DPP10: variants seen among roughly 807,000 people sequenced by gnomAD.
The protein encoded by DPP10 is dipeptidyl peptidase like 10.
Under a neutral mutation model 120.9 loss-of-function variants are expected in DPP10, and 33 were observed. The ratio of observed to expected loss-of-function variants is 0.27; its 90% CI spans 0.21 to 0.37. The LOEUF is 0.37. DPP10 is among the 10% of genes least tolerant of loss of function. DPP10 has a pLI of 1.00. For synonymous variants in DPP10, 337 were observed against 326.1 expected (o/e 1.03, Z -0.36); for missense variants, 816 against 942.8 (o/e 0.87, Z 1.76).
chr2:114,912,051 T>A (rs896160810), intron 1 of DPP10, among the ~76,000 whole-genome samples: 1 of 152,060 alleles, frequency 6.6e-6, no homozygotes, highest in Admixed American at 6.6e-5. Context: ...AAATTGCAAT[T>A]GATTGAATAA....
At position 114,968,040 on chromosome 2, in the gene DPP10, T is replaced by A. The variant is rs76817196; in HGVS notation, c.61-341199T>A. 3.0e-4 allele frequency among the ~76,000 whole-genome samples: 46 copies of A among 152,328 alleles called. No individual in the cohort carries two copies. In the East Asian group the frequency reaches 8.7e-3, roughly 29 times the overall value. ...TATAACATACAAAAATCTCTGTCCA[T>A]ACAGCCACCCAAGGGATTTTCCACA... On this transcript the variant is annotated intron_variant, in intron 1 of 25. Coordinates refer to ENST00000410059, the MANE Select transcript of DPP10 (RefSeq NM_020868.6).
At chr2:114,715,830 A>G (rs1010452935) in intron 1 of DPP10, among the ~76,000 whole-genome samples, 2 of 152,056 alleles carry the variant, frequency 1.3e-5, no homozygotes, top group African/African-American at 4.8e-5. Flanking sequence ...AAATATTTAT[A>G]TGTATCACTA....
intron 1 of DPP10, among the ~76,000 whole-genome samples, chr2:114,458,054 C>T (rs1243560735): frequency 6.6e-6 from 1 of 152,130 alleles, no homozygotes; most frequent in Admixed American, 6.6e-5. Flanking sequence ...TGAAAATCAA[C>T]AAGGTAGAAA....
At chr2:114,764,284 C>CT (rs201499611) in intron 1 of DPP10, among the ~76,000 whole-genome samples, 53,594 of 125,770 alleles carry the variant, frequency 0.43, 11,110 homozygotes, top group Admixed American at 0.49. Flanking sequence ...CTTAAATTGC[C>CT]TTTTTTTTTT....
At chr2:115,651,155 A>G (rs1236895131) in intron 5 of DPP10, among the ~76,000 whole-genome samples, 8 of 152,066 alleles carry the variant, frequency 5.3e-5, no homozygotes. Context: ...ACCTAGTAGT[A>G]ACTAGTCCAA....
intron 1 of DPP10, among the ~76,000 whole-genome samples, chr2:115,255,675 A>G (rs757193467): frequency 1.4e-4 from 22 of 152,156 alleles, no homozygotes; most frequent in Non-Finnish European, 2.1e-4. Flanking sequence ...TAAAATTTCC[A>G]CAGATATTTA....
At chr2:115,403,381 C>CTTTTTTTTTTTTTTTTTTTTTTTT (rs78116780) in intron 3 of DPP10, among the ~76,000 whole-genome samples, 1 of 118,386 alleles carries the variant, frequency 8.4e-6, no homozygotes, top group African/African-American at 3.6e-5. Context: ...TTCTTTCCTT[C>CTTTTTTTTTTTTTTTTTTTTTTTT]TTTTTTTTTT....
chr2:115,377,837 A>T (rs899395776), intron 3 of DPP10, among the ~76,000 whole-genome samples: 8 of 152,094 alleles, frequency 5.3e-5, no homozygotes, highest in Non-Finnish European at 8.8e-5. Context: ...TGTTTTTGTC[A>T]GGTTTGTCAA....
At chr2:115,222,174 A>G (rs2057205709) in intron 1 of DPP10, among the ~76,000 whole-genome samples, 1 of 152,156 alleles carries the variant, frequency 6.6e-6, no homozygotes, top group South Asian at 2.1e-4. Flanking sequence ...GTAAATGAGT[A>G]AAGAGGGCCT....
chr2:115,035,276 A>G (rs1704149668), intron 1 of DPP10, among the ~76,000 whole-genome samples: 1 of 152,150 alleles, frequency 6.6e-6, no homozygotes, highest in Admixed American at 6.6e-5. Flanking sequence ...GTACACTTCC[A>G]TCCCTACCCC....
chr2:115,332,579 G>A (rs762240442), intron 2 of DPP10, among the ~76,000 whole-genome samples: 16 of 151,874 alleles, frequency 1.1e-4, no homozygotes, highest in African/African-American at 3.1e-4. Context: ...TGAATTTCCC[G>A]CTACACACTG....
At chr2:115,311,130 G>A (rs1034381072) in intron 2 of DPP10, among the ~76,000 whole-genome samples, 1 of 152,144 alleles carries the variant, frequency 6.6e-6, no homozygotes, top group Admixed American at 6.5e-5. Context: ...ATTTGTTAAA[G>A]CAAGAACAAG....
chr2:115,155,006 C>T (rs1186156781), intron 1 of DPP10, among the ~76,000 whole-genome samples: 1 of 151,846 alleles, frequency 6.6e-6, no homozygotes, highest in Non-Finnish European at 1.5e-5. Flanking sequence ...ATTCTCCTGC[C>T]TCAGCTTCCC....
intron 1 of DPP10, among the ~76,000 whole-genome samples, chr2:114,991,182 C>G (rs1466718815): frequency 6.6e-6 from 1 of 151,994 alleles, no homozygotes; most frequent in Non-Finnish European, 1.5e-5. Flanking sequence ...AGTAAAATAT[C>G]AACAGGAAAA....
chr2:115,768,128 T>TA (rs1681017198), intron 12 of DPP10, among the ~76,000 whole-genome samples, 169 bp from the exon 13 acceptor site: 3 of 152,296 alleles, frequency 2.0e-5, no homozygotes, highest in South Asian at 4.1e-4. Context: ...AGATTTACTT[T>TA]AAAAAAGTTT....
chr2:115,431,478 A>G (rs1201423772), intron 3 of DPP10, among the ~76,000 whole-genome samples: 1 of 152,176 alleles, frequency 6.6e-6, no homozygotes, highest in Non-Finnish European at 1.5e-5. Context: ...GCAAGCATGA[A>G]TTCTGATACT....
At chr2:114,889,995 T>C (rs1263332304) in intron 1 of DPP10, among the ~76,000 whole-genome samples, 7 of 152,216 alleles carry the variant, frequency 4.6e-5, no homozygotes, top group Non-Finnish European at 1.0e-4. Context: ...TGCTTACTAC[T>C]GTGTCGAAAT....
intron 1 of DPP10, among the ~76,000 whole-genome samples, chr2:114,555,643 C>T (rs547934710): frequency 6.6e-6 from 1 of 152,202 alleles, no homozygotes; most frequent in South Asian, 2.1e-4. Context: ...CAAACAGCCC[C>T]ATACACAGGG....
At chr2:114,570,836 T>TAAAAAAAA (rs58796386) in intron 1 of DPP10, among the ~76,000 whole-genome samples, 24 of 57,744 alleles carry the variant, frequency 4.2e-4, no homozygotes, top group Non-Finnish European at 7.3e-4. Context: ...CTGTCTCAAA[T>TAAAAAAAA]AAAAAAAAAA....
Sources: allele counts gnomAD v4.1 joint callset (sites outside exome capture counted in the v4.1 genomes callset), GRCh38; gene constraint gnomAD v4.1.1; transcripts MANE v1.5; gene names NCBI Gene and HGNC (gene_info 2026-07-23, HGNC 2026-07-21).